The following RBMS2 variants were observed in gnomAD, a reference collection of about 807,000 sequenced individuals.
RBMS2 encodes the protein RNA binding motif single stranded interacting protein 2.
A neutral mutation model predicts 58.4 loss-of-function variants in RBMS2; 38 were observed. The observed-to-expected ratio is 0.65, with a 90% CI of 0.50 to 0.85. The LOEUF (loss-of-function observed/expected upper bound fraction) is 0.85. Ranked by LOEUF, RBMS2 falls within the 40% of genes least tolerant of loss-of-function variation. RBMS2 has a pLI of 0.00. For synonymous variants in RBMS2, 151 were observed against 180.7 expected, an observed-to-expected ratio of 0.84 and a Z score of 1.32; for missense variants, 367 against 503.7, an observed-to-expected ratio of 0.73 and a Z score of 2.60.
intron 1 of RBMS2, 148 bp downstream of exon 1, chr12:56,522,237 A>G (rs913765231): frequency 9.0e-5 from 55 of 614,148 alleles, no homozygotes; most frequent in Non-Finnish European, 1.4e-4. Context: ...CTTTTCCACT[A>G]CTGCTTTCTG....
intron 1 of RBMS2, among the ~76,000 whole-genome samples, chr12:56,542,058 T>G (rs1876188167): frequency 6.4e-5 from 1 of 15,630 alleles, no homozygotes; most frequent in Non-Finnish European, 5.1e-4. Context: ...CTAGTAGATT[T>G]ATTTTTTTTG....
At chr12:56,545,075 C>T (rs112149951) in intron 1 of RBMS2, among the ~76,000 whole-genome samples, 5,171 of 152,138 alleles carry the variant, frequency 0.034, 316 homozygotes, top group African/African-American at 0.12. Flanking sequence ...TTCCAGCCTT[C>T]CCCTCCCAGT....
chr12:56,523,071 G>C (rs528947856), intron 1 of RBMS2, among the ~76,000 whole-genome samples: 1 of 152,294 alleles, frequency 6.6e-6, no homozygotes, highest in East Asian at 1.9e-4. Flanking sequence ...ATTAGAGGTG[G>C]ATTTAAACAC....
chr12:56,546,863 T>C (rs1276762526), intron 1 of RBMS2, among the ~76,000 whole-genome samples: 2 of 152,190 alleles, frequency 1.3e-5, no homozygotes, highest in Non-Finnish European at 2.9e-5. Flanking sequence ...TTTGAGGAAC[T>C]GCCCAACTAT....
intron 1 of RBMS2, among the ~76,000 whole-genome samples, chr12:56,547,001 G>A (rs1289736587): frequency 2.0e-5 from 3 of 152,090 alleles, no homozygotes; most frequent in Non-Finnish European, 2.9e-5. Context: ...TAGGTATAAA[G>A]TGATAGCTTG....
chr12:56,552,329 C>T (rs1273745793), intron 1 of RBMS2, among the ~76,000 whole-genome samples: 3 of 151,992 alleles, frequency 2.0e-5, no homozygotes, highest in Non-Finnish European at 4.4e-5. Flanking sequence ...ACTTGGTTAC[C>T]AAGACAGAAA....
At position 56,595,040 on chromosome 12, in the gene RBMS2, CCTG is replaced by C. The variant is rs1466332055; in HGVS notation, c.*5911_*5913del. 1 of 152,180 alleles carries C rather than the reference CCTG, an allele frequency of 6.6e-6. No homozygotes were observed. The highest frequency in any genetic ancestry group is 6.6e-5 in the Admixed American group (1 of 15,262). The allele number at this position is 152,180 out of a possible 1,614,324, so 9.4% of individuals were successfully genotyped here. A position where few individuals can be genotyped will look rare whatever the true frequency, so the allele number is the denominator to read the frequency against. Reference sequence around the variant, plus strand: ...AATAGTGTGAACTCTCCAGATAGGTCCTGCTGTGATAGGCCAGGGGAGTAGGCT... The same window carrying C: ...AATAGTGTGAACTCTCCAGATAGGTCCTGTGATAGGCCAGGGGAGTAGGCT... On this transcript the variant is annotated 3_prime_UTR_variant, in exon 14 of 14. Coordinates refer to ENST00000262031, the MANE Select transcript of RBMS2 (RefSeq NM_002898.4).
upstream of RBMS2, among the ~76,000 whole-genome samples, chr12:56,520,977 T>TTCC (rs576450827): frequency 6.0e-4 from 91 of 152,362 alleles, no homozygotes; most frequent in Middle Eastern, 6.8e-3. Context: ...TATGAACTCA[T>TTCC]TCCTCGGAGA....
intron 1 of RBMS2, among the ~76,000 whole-genome samples, chr12:56,561,397 T>C (rs1338938411): frequency 6.6e-6 from 1 of 152,182 alleles, no homozygotes; most frequent in Non-Finnish European, 1.5e-5. Flanking sequence ...GTATAAGTGT[T>C]CCCTTTTTTC....
At chr12:56,586,687 ATTGAGTT>A (rs1884718841) in intron 9 of RBMS2, among the ~76,000 whole-genome samples, 155 bp from the exon 10 acceptor site, 1 of 151,886 alleles carries the variant, frequency 6.6e-6, no homozygotes, top group East Asian at 1.9e-4. Context: ...TGGATTATTT[ATTGAGTT>A]TTAAGAATTG....
intron 9 of RBMS2, among the ~76,000 whole-genome samples, chr12:56,585,327 A>G (rs948377980): frequency 2.0e-5 from 3 of 152,172 alleles, no homozygotes; most frequent in African/African-American, 7.2e-5. Flanking sequence ...CACTTTTTGG[A>G]TTATTTAATC....
At chr12:56,556,466 C>A (rs1879252777) in intron 1 of RBMS2, among the ~76,000 whole-genome samples, 1 of 151,308 alleles carries the variant, frequency 6.6e-6, no homozygotes, top group Non-Finnish European at 1.5e-5. Flanking sequence ...ACCTCTGCCT[C>A]CCGAGTTCAA....
In RBMS2 at chr12:56,591,107, C is replaced by G. The variant is rs1411628474; in HGVS notation, c.*1974C>G. 1 of 152,290 alleles carries G rather than the reference C, an allele frequency of 6.6e-6. No individual in the cohort carries two copies. Among genetic ancestry groups the G allele is most frequent in the East Asian group, 1.9e-4 (1 of 5,180 alleles). 9.4% of individuals were successfully genotyped at this position (152,290 alleles called of 1,614,324 possible). ...TGCTCTTGTCTTCTCCCAGTCACTC[C>G]CTTATGCACTGAAAGGAGAATTTGA... On this transcript the variant is annotated 3_prime_UTR_variant, in exon 14 of 14. Transcript: ENST00000262031.
upstream of RBMS2, among the ~76,000 whole-genome samples, chr12:56,521,427 C>CA (rs35413431): frequency 0.081 from 7,378 of 91,200 alleles, 401 homozygotes; most frequent in African/African-American, 0.15. Context: ...AACTCTGTCT[C>CA]AAAAAAAAAA....
intron 8 of RBMS2, 24 bp from the exon 9 acceptor site, chr12:56,582,035 A>G (rs1884030761): frequency 1.3e-6 from 2 of 1,582,834 alleles, no homozygotes; most frequent in African/African-American, 2.7e-5. Context: ...GTGACTCAGT[A>G]CTGATTGAGG....
intron 5 of RBMS2, among the ~76,000 whole-genome samples, chr12:56,572,317 T>G (rs1359903738): frequency 6.6e-6 from 1 of 151,872 alleles, no homozygotes; most frequent in Non-Finnish European, 1.5e-5. Context: ...AAGGTTCATT[T>G]TATTATAGGT....
intron 1 of RBMS2, among the ~76,000 whole-genome samples, chr12:56,552,922 C>CTTT (rs57408592): frequency 5.2e-4 from 32 of 62,020 alleles, no homozygotes; most frequent in African/African-American, 1.9e-3. Context: ...ATTAAGAGTC[C>CTTT]TTTTTTTTTT....
chr12:56,533,408 CTTTTTT>C (rs1164155079), intron 1 of RBMS2, among the ~76,000 whole-genome samples: 5,324 of 65,302 alleles, frequency 0.082, 303 homozygotes, highest in African/African-American at 0.21. Context: ...AGCCCTATTA[CTTTTTT>C]TTTTTTTTTT....
At chr12:56,562,318 T>C (rs779861860) in intron 1 of RBMS2, 99 bp from the exon 2 acceptor site, 2 of 1,156,556 alleles carry the variant, frequency 1.7e-6, no homozygotes, top group Non-Finnish European at 1.2e-6. Context: ...TGTGATTATA[T>C]ATAGTTTGGA....
Sources: gnomAD v4.1 joint callset for allele counts (sites outside exome capture counted in the v4.1 genomes callset) on GRCh38, gnomAD v4.1.1 for gene constraint, MANE v1.5 for transcripts, NCBI Gene and HGNC (gene_info 2026-07-23, HGNC 2026-07-21) for gene names.